The following NNT variants were observed in gnomAD, a reference collection of about 807,000 sequenced individuals.
NNT encodes the protein NAD(P) transhydrogenase, mitochondrial.
In NNT, 50 loss-of-function variants were observed where a neutral mutation model predicts 104.8. The ratio of observed to expected loss-of-function variants is 0.48; its 90% confidence interval spans 0.38 to 0.60. The LOEUF is 0.60. NNT is among the 20% of genes least tolerant of loss of function. The probability of loss-of-function intolerance (pLI) is 0.00; values close to 1 mark genes in which losing one functional copy is unlikely to be tolerated. For synonymous variants in NNT, 461 were observed against 490.4 expected (o/e 0.94, Z 0.79); for missense variants, 1,131 against 1,330.7 (o/e 0.85, Z 2.33).
In NNT at chr5:43,655,848, A is replaced by C. The variant is rs777295503; in HGVS notation, c.2068A>C (p.Ile690Leu). 5 of 1,613,848 alleles carry C rather than the reference A, an allele frequency of 3.1e-6. No individual in the cohort carries two copies. Among genetic ancestry groups the C allele is most frequent in the Non-Finnish European group, 4.2e-6 (5 of 1,179,722 alleles). ...MALGGTIGLT[I>L]AKRIQISDLP... ...TTGACCTTTCATAACAGGATTGACAATTGCCAAACGCATCCAGATTTCTGA... is the reference window on the plus strand; with the variant it reads ...TTGACCTTTCATAACAGGATTGACACTTGCCAAACGCATCCAGATTTCTGA... Residue 690 changes from isoleucine to leucine, a missense_variant, in exon 15 of 22, where the codon ATT (isoleucine) becomes CTT (leucine). Ile to Leu is a conservative substitution (Grantham distance 5, BLOSUM62 2). Coordinates refer to ENST00000344920, the MANE Select transcript of NNT (RefSeq NM_182977.3).
chr5:43,609,772 A>C (rs1749410660), intron 2 of NNT, among the ~76,000 whole-genome samples: 1 of 152,214 alleles, frequency 6.6e-6, no homozygotes, highest in Non-Finnish European at 1.5e-5. Context: ...ATTTGATTGC[A>C]GTTGCTCAGG....
At chr5:43,689,335 T>C (rs762125924) in intron 19 of NNT, among the ~76,000 whole-genome samples, 4 of 152,214 alleles carry the variant, frequency 2.6e-5, no homozygotes, top group Non-Finnish European at 5.9e-5. Context: ...CTCTGTGGGT[T>C]GTCTGTGAAT....
intron 17 of NNT, among the ~76,000 whole-genome samples, chr5:43,670,848 C>G (rs1741028262): frequency 6.6e-6 from 1 of 152,152 alleles, no homozygotes; most frequent in Non-Finnish European, 1.5e-5. Flanking sequence ...TGTTAACTTT[C>G]TGTCTCATTG....
At chr5:43,641,126 G>A (rs1751208388) in intron 7 of NNT, among the ~76,000 whole-genome samples, 1 of 152,018 alleles carries the variant, frequency 6.6e-6, no homozygotes, top group Non-Finnish European at 1.5e-5. Context: ...TCTTCATTGT[G>A]TAATGCTGCA....
chr5:43,636,639 G>T (rs1750944326), intron 7 of NNT, among the ~76,000 whole-genome samples: 1 of 152,058 alleles, frequency 6.6e-6, no homozygotes, highest in African/African-American at 2.4e-5. Context: ...AAGGATTTTG[G>T]TAGCTAATGT....
chr5:43,613,006 A>G lies in NNT; in HGVS notation c.250A>G (p.Lys84Glu), dbSNP rs748190176. ...LSPAGVQNLV[K>E]QGFNVVVESG... is the part of the protein sequence containing the mutation. ...TCCTGCTGGTGTTCAGAACTTGGTC[A>G]AGCAGGGTTTTAATGTTGTCGTGGA... The change falls in exon 3 of 22, where the codon AAG becomes GAG. Residue 84 changes from lysine to glutamate, a missense_variant. Physicochemically the swap from Lys to Glu is moderately conservative, Grantham distance 56. Transcript: ENST00000344920. 7 of 1,614,060 alleles carry G rather than the reference A, an allele frequency of 4.3e-6. No individual in the cohort carries two copies. Among genetic ancestry groups the G allele is most frequent in the Middle Eastern group, 3.3e-4 (2 of 6,084 alleles).
intron 17 of NNT, among the ~76,000 whole-genome samples, chr5:43,668,781 A>G (rs939988456): frequency 6.6e-6 from 1 of 152,184 alleles, no homozygotes; most frequent in African/African-American, 2.4e-5. Flanking sequence ...TTGGTTCCAT[A>G]TGAACTTTAA....
At chr5:43,685,583 A>G (rs949653708) in intron 19 of NNT, among the ~76,000 whole-genome samples, 5 of 152,170 alleles carry the variant, frequency 3.3e-5, no homozygotes, top group African/African-American at 1.2e-4. Context: ...AAGGGGCCCA[A>G]TTGTACTTAC....
At chr5:43,668,545 C>T (rs1017179213) in intron 17 of NNT, among the ~76,000 whole-genome samples, 10 of 152,038 alleles carry the variant, frequency 6.6e-5, no homozygotes, top group Admixed American at 1.3e-4. Flanking sequence ...GAATCCTTTC[C>T]CCATTTCTTG....
At chr5:43,678,129 G>A (rs1741517211) in intron 19 of NNT, among the ~76,000 whole-genome samples, 1 of 152,188 alleles carries the variant, frequency 6.6e-6, no homozygotes, top group Admixed American at 6.5e-5. Context: ...TTAAGTGGAA[G>A]TGGATCATCA....
rs1340145074 is a variant in NNT, at chr5:43,704,829, T to G, written c.*425T>G. ...ACATTGCAGGCACCTGCATTTTATG[T>G]TTTTTTTTTCAACAAATGTGACTAA... On this transcript the variant is annotated 3_prime_UTR_variant, in exon 22 of 22. Transcript: ENST00000344920. 1 of 132,342 alleles carries G rather than the reference T, an allele frequency of 7.6e-6. No homozygotes were observed. Among genetic ancestry groups the G allele is most frequent in the Non-Finnish European group, 1.6e-5 (1 of 63,696 alleles). The allele number at this position is 132,342 out of a possible 1,614,324, so 8.2% of individuals were successfully genotyped here.
chr5:43,658,906 C>G (rs572592269), intron 16 of NNT, among the ~76,000 whole-genome samples: 1 of 152,060 alleles, frequency 6.6e-6, no homozygotes, highest in African/African-American at 2.4e-5. Context: ...GTAGACGCTT[C>G]TCCAGTTTCT....
intron 16 of NNT, among the ~76,000 whole-genome samples, chr5:43,657,489 C>T (rs576478385): frequency 2.6e-5 from 4 of 152,018 alleles, no homozygotes; most frequent in East Asian, 1.9e-4. Context: ...GTGTGTAATC[C>T]GTAGACAAGG....
rs994922075 is a variant in NNT at position 43,706,634 on chromosome 5, G to A, written c.*2230G>A. The A allele has an allele frequency of 9.2e-5, 14 of 152,104 alleles. No individual in the cohort carries two copies. The highest frequency in any genetic ancestry group is 3.4e-4 in the African/African-American group (14 of 41,418). The allele number at this position is 152,104 out of a possible 1,614,324, so 9.4% of individuals were successfully genotyped here. A position where few individuals can be genotyped will look rare whatever the true frequency, so the allele number is the denominator to read the frequency against. ...TCCCATTACTGGGTATATACCCAAA[G>A]GATTATAAATCATGCTGCTATAAAG... On this transcript the variant is annotated 3_prime_UTR_variant, in exon 22 of 22. Coordinates refer to ENST00000344920, the MANE Select transcript of NNT (RefSeq NM_182977.3).
intron 17 of NNT, among the ~76,000 whole-genome samples, chr5:43,664,519 C>T (rs16873452): frequency 0.011 from 1,748 of 152,180 alleles, 20 homozygotes; most frequent in African/African-American, 0.04. Flanking sequence ...GTTTTATGAC[C>T]TTTCTTTGGC....
rs1022667070 is a variant in NNT, at chr5:43,705,912, G to C, written c.*1508G>C. On this transcript the variant is annotated 3_prime_UTR_variant, in exon 22 of 22. Coordinates refer to ENST00000344920, the MANE Select transcript of NNT (RefSeq NM_182977.3). Reference sequence around the variant, plus strand: ...GAATTATACCATGTATATTCTATTAGAAGAAAGTAAACACCATCTTTATTC... The same window carrying C: ...GAATTATACCATGTATATTCTATTACAAGAAAGTAAACACCATCTTTATTC... 1 of 152,012 alleles carries C rather than the reference G, an allele frequency of 6.6e-6. No individual in the cohort carries two copies. The highest frequency in any genetic ancestry group is 2.4e-5 in the African/African-American group (1 of 41,404). 9.4% of individuals were successfully genotyped at this position (152,012 alleles called of 1,614,324 possible). A position where few individuals can be genotyped will look rare whatever the true frequency, so the allele number is the denominator to read the frequency against.
chr5:43,603,060 G>C (rs1749005773), upstream of NNT: 2 of 152,540 alleles, frequency 1.3e-5, no homozygotes, highest in South Asian at 4.1e-4. Flanking sequence ...TTGGTTCGGA[G>C]AGCGCGCGGC....
chr5:43,646,238 G>A (rs1001083365), intron 10 of NNT, among the ~76,000 whole-genome samples: 1 of 152,094 alleles, frequency 6.6e-6, no homozygotes, highest in African/African-American at 2.4e-5. Flanking sequence ...CATTTTTCCT[G>A]TTATAGAAAG....
chr5:43,609,121 A>C lies in NNT; in HGVS notation c.-53-22A>C, dbSNP rs920962917. On this transcript the variant is annotated intron_variant, in intron 1 of 21. Coordinates refer to ENST00000344920, the MANE Select transcript of NNT (RefSeq NM_182977.3). The stretch of plus-strand genomic sequence containing the variant: ...ATAGTTTTTTTCTTGGCATATATAC[A>C]TCCTATTTTCTTTTTTCTTAGTGAT... 2.5e-6 allele frequency: 3 copies of C among 1,192,584 alleles called. No individual in the cohort carries two copies. The East Asian group carries it at 7.0e-5, about 28-fold the overall frequency. 73.9% of individuals were successfully genotyped at this position (1,192,584 alleles called of 1,614,324 possible). A position where few individuals can be genotyped will look rare whatever the true frequency, so the allele number is the denominator to read the frequency against.
Sources: allele counts gnomAD v4.1 joint callset (sites outside exome capture counted in the v4.1 genomes callset), GRCh38; gene constraint gnomAD v4.1.1; transcripts MANE v1.5; gene names NCBI Gene and HGNC (gene_info 2026-07-23, HGNC 2026-07-21).